The following MAP3K13 variants were observed in gnomAD, a reference collection of about 807,000 sequenced individuals.
The protein encoded by MAP3K13 is leucine zipper-bearing kinase.
Under a neutral mutation model 104.0 loss-of-function variants are expected in MAP3K13, and 52 were observed. That is an observed-to-expected ratio of 0.50 (90% confidence interval 0.40 to 0.63). The LOEUF (loss-of-function observed/expected upper bound fraction) is 0.63. Among genes scored for constraint, MAP3K13 ranks in the 20% least tolerant of loss-of-function variants. The probability of loss-of-function intolerance (pLI) is 0.00; values close to 1 mark genes in which losing one functional copy is unlikely to be tolerated. For missense variants in MAP3K13, 914 were observed against 1,218.5 expected (o/e 0.75, Z 3.72); for synonymous variants, 394 against 442.2 (o/e 0.89, Z 1.37).
chr3:185,340,027 G>A (rs886522971), intron 2 of MAP3K13, among the ~76,000 whole-genome samples: 3 of 152,050 alleles, frequency 2.0e-5, no homozygotes, highest in African/African-American at 7.2e-5. Context: ...ATTTGGTAAG[G>A]GGTGGAGGGG....
chr3:185,465,806 A>G lies in MAP3K13; in HGVS notation c.1448A>G (p.Tyr483Cys), dbSNP rs1717379420. 6.2e-7 allele frequency: 1 copy of G among 1,614,116 alleles called. No individual in the cohort carries two copies. Among genetic ancestry groups the G allele is most frequent in the Non-Finnish European group, 8.5e-7 (1 of 1,179,970 alleles). The change falls in exon 9 of 14, where the codon TAC (tyrosine) becomes TGC (cysteine). Residue 483 changes from tyrosine to cysteine, a missense_variant. Physicochemically the swap from Tyr to Cys is radical, Grantham distance 194. Transcript: ENST00000265026. ...AAGCTTGAGCGGGCGAATAATTTAT[A>G]CATGGAATTGAGTGCCATCATGCTG... ...ERKLERANNL[Y>C]MELSAIMLQL...
At chr3:185,320,666 A>G (rs987323454) in intron 2 of MAP3K13, among the ~76,000 whole-genome samples, 4 of 152,170 alleles carry the variant, frequency 2.6e-5, no homozygotes, top group Admixed American at 6.5e-5. Flanking sequence ...ATGTAAAAGA[A>G]ATTTTTACTT....
At chr3:185,375,406 C>T (rs1313475848) in intron 1 of MAP3K13, among the ~76,000 whole-genome samples, 1 of 152,090 alleles carries the variant, frequency 6.6e-6, no homozygotes, top group Non-Finnish European at 1.5e-5. Flanking sequence ...GAAGTGATTT[C>T]CTTGAGGATA....
Position 185,450,972 on chromosome 3 carries a change from C to G in MAP3K13, c.1170-315C>G, listed in dbSNP as rs1225422667. Among the ~76,000 whole-genome samples the G allele has an allele frequency of 6.6e-6, 1 of 152,102 alleles. No homozygotes were observed. The highest frequency in any genetic ancestry group is 1.5e-5 in the Non-Finnish European group (1 of 68,034). On this transcript the variant is annotated intron_variant, in intron 6 of 13. Transcript: ENST00000265026. The surrounding 1 kb of genome is among the most constrained non-coding windows in gnomAD (Gnocchi z 4.2). ...AGGTCTGGTGGCGGGTGCCTGTAGT[C>G]CCAGCTACTCAGGAGGCTGAGGCAG...
chr3:185,393,433 A>G (rs1386918170), intron 1 of MAP3K13, among the ~76,000 whole-genome samples: 3 of 150,926 alleles, frequency 2.0e-5, no homozygotes, highest in Non-Finnish European at 2.9e-5. Context: ...CTGCATTACT[A>G]TTTGCTATAT....
intron 2 of MAP3K13, chr3:185,328,986 A>C: frequency 2.1e-6 from 1 of 466,480 alleles, no homozygotes; most frequent in Non-Finnish European, 3.9e-6. Context: ...TTTAAAAAAA[A>C]CTATTATGAC....
intron 1 of MAP3K13, among the ~76,000 whole-genome samples, chr3:185,420,975 C>T (rs1284934670): frequency 1.3e-5 from 2 of 152,106 alleles, no homozygotes; most frequent in East Asian, 3.9e-4. Flanking sequence ...ACTAATTTTG[C>T]ACAAACCACT....
chr3:185,343,596 G>A (rs1466161745), intron 2 of MAP3K13, among the ~76,000 whole-genome samples: 1 of 152,064 alleles, frequency 6.6e-6, no homozygotes, highest in African/African-American at 2.4e-5. Flanking sequence ...GGGACTACAG[G>A]CACGTGCCAC....
intron 1 of MAP3K13, among the ~76,000 whole-genome samples, chr3:185,363,745 A>T (rs1238490907): frequency 6.6e-6 from 1 of 152,236 alleles, no homozygotes; most frequent in Non-Finnish European, 1.5e-5. Context: ...CGCAAGACAG[A>T]GCAGGTTCTA....
chr3:185,285,775 A>G (rs1720485733), intron 2 of MAP3K13: 1 of 671,380 alleles, frequency 1.5e-6, no homozygotes, highest in African/African-American at 1.8e-5. Flanking sequence ...CCTTCCAAAG[A>G]GAGGTTTGTT....
Position 185,287,321 on chromosome 3 carries a change from CTT to C in MAP3K13, c.-86+1679_-86+1680del, listed in dbSNP as rs201178072. ...CTATTTAGGGACTTTTTAAACAACT[CTT>C]ATTATTTTACTTTGTTCTTGATGTT... On this transcript the variant is annotated intron_variant, in intron 2 of 14. Transcript: ENST00000424227. 6.6e-3 allele frequency among the ~76,000 whole-genome samples: 1,002 copies of C among 152,276 alleles called. 9 individuals carry two copies. The highest frequency in any genetic ancestry group is 0.022 in the African/African-American group (932 of 41,550).
At position 185,485,627 on chromosome 3, in the gene MAP3K13, TGTGTTC is replaced by T. The variant is rs777637050; in HGVS notation, c.*3172_*3177del. 6.6e-6 allele frequency: 1 copy of T among 152,110 alleles called. No homozygotes were observed. The highest frequency in any genetic ancestry group is 1.5e-5 in the Non-Finnish European group (1 of 68,008). The allele number at this position is 152,110 out of a possible 1,614,324, so 9.4% of individuals were successfully genotyped here. A position where few individuals can be genotyped will look rare whatever the true frequency, so the allele number is the denominator to read the frequency against. The stretch of plus-strand genomic sequence containing the variant: ...TATCAGATGACTGTATCGCAGTGCT[TGTGTTC>T]AAGTACCCCTATTTAATTAATAATA... On this transcript the variant is annotated 3_prime_UTR_variant, in exon 14 of 14. Transcript: ENST00000265026.
intron 2 of MAP3K13, among the ~76,000 whole-genome samples, chr3:185,312,761 G>A (rs540090519): frequency 1.3e-5 from 2 of 152,180 alleles, no homozygotes; most frequent in Non-Finnish European, 2.9e-5. Context: ...AGATAATAAA[G>A]TTCTCTAATG....
chr3:185,307,774 C>T (rs1464072267), intron 2 of MAP3K13, among the ~76,000 whole-genome samples: 7 of 151,834 alleles, frequency 4.6e-5, no homozygotes, highest in Non-Finnish European at 8.8e-5. Context: ...GAACTCCTGA[C>T]CTTGTGATCT....
chr3:185,318,151 A>G (rs190254402), intron 2 of MAP3K13, among the ~76,000 whole-genome samples: 1 of 152,310 alleles, frequency 6.6e-6, no homozygotes, highest in Non-Finnish European at 1.5e-5. Flanking sequence ...TTTGTGGTTT[A>G]TTATATCTCT....
chr3:185,385,757 C>T (rs1270711644), intron 1 of MAP3K13, among the ~76,000 whole-genome samples: 1 of 147,256 alleles, frequency 6.8e-6, no homozygotes, highest in Admixed American at 6.7e-5. Flanking sequence ...AGTCCCAGCA[C>T]TTTGGGAGGC....
chr3:185,356,060 G>T (rs1475208238), intron 2 of MAP3K13, among the ~76,000 whole-genome samples: 1 of 152,108 alleles, frequency 6.6e-6, no homozygotes, highest in Non-Finnish European at 1.5e-5. Flanking sequence ...TTCTGTGAAG[G>T]TCACTGACTT....
At chr3:185,375,789 G>A (rs1331137304) in intron 1 of MAP3K13, among the ~76,000 whole-genome samples, 3 of 152,178 alleles carry the variant, frequency 2.0e-5, no homozygotes, top group Non-Finnish European at 2.9e-5. Context: ...GCCTTGAGAA[G>A]AGTTTTTATT....
At chr3:185,416,634 T>C (rs989006278) in intron 1 of MAP3K13, among the ~76,000 whole-genome samples, 6 of 152,118 alleles carry the variant, frequency 3.9e-5, no homozygotes, top group South Asian at 2.1e-4. Context: ...GTGTATATAA[T>C]AGCACTATTT....
Sources: allele counts gnomAD v4.1 joint callset (sites outside exome capture counted in the v4.1 genomes callset), GRCh38; gene constraint gnomAD v4.1.1; non-coding constraint Gnocchi (gnomAD v3.1); transcripts MANE v1.5; gene names NCBI Gene and HGNC (gene_info 2026-07-23, HGNC 2026-07-21).